ZNF718: variants seen among roughly 807,000 people sequenced by gnomAD.
ZNF718 encodes zinc finger protein 718.
ZNF718 carries 3 observed loss-of-function variants against 2.6 expected under a neutral mutation model. The ratio of observed to expected loss-of-function variants is 1.16; its 90% confidence interval spans 0.53 to 3.01. ZNF718 has a LOEUF of 3.01. Ranked by LOEUF, ZNF718 falls within the 30% of genes most tolerant of loss-of-function variation. The probability of loss-of-function intolerance (pLI) is 0.03; values close to 1 mark genes in which losing one functional copy is unlikely to be tolerated. For missense variants in ZNF718, 468 were observed against 230.0 expected, an observed-to-expected ratio of 2.03 and a Z score of -6.69; for synonymous variants, 135 against 77.9, an observed-to-expected ratio of 1.73 and a Z score of -3.86.
chr4:140,023 T>C (rs1715743091), intron 3 of ZNF718, among the ~76,000 whole-genome samples: 1 of 152,150 alleles, frequency 6.6e-6, no homozygotes, highest in African/African-American at 2.4e-5. Context: ...ATGACTTTTT[T>C]TTTTATCTTT....
rs1553814798 is a variant in ZNF718, at chr4:160,967, A to T, written c.282A>T (p.Ser94=). 1 of 780,928 alleles carries T rather than the reference A, an allele frequency of 1.3e-6. No homozygotes were observed. 48.4% of individuals were successfully genotyped at this position (780,928 alleles called of 1,614,324 possible). A position where few individuals can be genotyped will look rare whatever the true frequency, so the allele number is the denominator to read the frequency against. The part of the protein sequence containing the change: ...NLWTVQGIED[S]FHKLIPKGHE... Reference sequence around the variant, plus strand: ...GGACAGTGCAGGGCATAGAAGATTCATTCCACAAACTTATACCAAAAGGAC... The same window carrying T: ...GGACAGTGCAGGGCATAGAAGATTCTTTCCACAAACTTATACCAAAAGGAC... Residue 94 remains serine, a synonymous_variant, in exon 4 of 4, where the codon TCA becomes TCT. Transcript: ENST00000510175.
chr4:200,608 A>G (rs781935213), intron 3 of ZNF718, among the ~76,000 whole-genome samples: 2 of 152,020 alleles, frequency 1.3e-5, no homozygotes, highest in Non-Finnish European at 2.9e-5. Flanking sequence ...TTAGAGTCAG[A>G]CTAGTACAAT....
At chr4:159,230 G>T (rs1433730990) in intron 3 of ZNF718, among the ~76,000 whole-genome samples, 3 of 151,868 alleles carry the variant, frequency 2.0e-5, no homozygotes, top group African/African-American at 7.3e-5. Flanking sequence ...TAGAGACAGG[G>T]TTTCACCATG....
chr4:197,866 G>A (rs529214791), intron 3 of ZNF718, among the ~76,000 whole-genome samples: 150 of 152,274 alleles, frequency 9.9e-4, no homozygotes, highest in Non-Finnish European at 1.1e-3. Flanking sequence ...CTCCTGCTAA[G>A]TGATGGATGA....
intron 3 of ZNF718, among the ~76,000 whole-genome samples, chr4:150,838 T>C (rs1322094878): frequency 1.3e-5 from 2 of 152,158 alleles, no homozygotes; most frequent in African/African-American, 4.8e-5. Flanking sequence ...GCTTCAGCAG[T>C]CCTGTTTAAT....
At chr4:185,051 T>A (rs1717540698) in intron 3 of ZNF718, among the ~76,000 whole-genome samples, 1 of 152,126 alleles carries the variant, frequency 6.6e-6, no homozygotes, top group South Asian at 2.1e-4. Flanking sequence ...AACTTTGGGG[T>A]TTGTTTGCTC....
chr4:177,686 T>C (rs1553819261), intron 3 of ZNF718, among the ~76,000 whole-genome samples: 1 of 152,208 alleles, frequency 6.6e-6, no homozygotes, highest in East Asian at 1.9e-4. Flanking sequence ...CTACACATTT[T>C]CTCTGGAGAC....
At chr4:184,646 C>CT (rs1448150298) in intron 3 of ZNF718, among the ~76,000 whole-genome samples, 8 of 151,900 alleles carry the variant, frequency 5.3e-5, no homozygotes, top group African/African-American at 1.9e-4. Context: ...AGGTCCTGGG[C>CT]TTTTTTTGGT....
rs539837836 is a variant in ZNF718 at position 161,228 on chromosome 4, C to T, written c.543C>T (p.His181=). Residue 181 remains histidine (H), a synonymous_variant, in exon 4 of 4, where the codon CAC becomes CAT. Coordinates refer to ENST00000510175, the MANE Select transcript of ZNF718 (RefSeq NM_001039127.6). The part of the protein sequence containing the change: ...FKCKECGKSF[H]VLSRLTQHKR... Reference sequence around the variant, plus strand: ...GTAAAGAATGTGGCAAATCATTTCACGTGCTCTCACGCCTAACTCAACACA... The same window carrying T: ...GTAAAGAATGTGGCAAATCATTTCATGTGCTCTCACGCCTAACTCAACACA... 5.2e-5 allele frequency: 40 copies of T among 775,194 alleles called. 1 individual carries two copies. The highest frequency in any genetic ancestry group is 5.1e-4 in the East Asian group (21 of 41,202). 48.0% of individuals were successfully genotyped at this position (775,194 alleles called of 1,614,324 possible). A position where few individuals can be genotyped will look rare whatever the true frequency, so the allele number is the denominator to read the frequency against.
intron 3 of ZNF718, among the ~76,000 whole-genome samples, chr4:179,253 C>G (rs1717409177): frequency 6.6e-6 from 1 of 152,116 alleles, no homozygotes; most frequent in Non-Finnish European, 1.5e-5. Context: ...ATTTGTTTGT[C>G]TTTATGCCAA....
chr4:138,415 AC>A (rs1175028956), intron 3 of ZNF718, among the ~76,000 whole-genome samples: 8 of 152,128 alleles, frequency 5.3e-5, no homozygotes, highest in African/African-American at 1.4e-4. Flanking sequence ...ATTTTTCTTA[AC>A]ATAATGACCT....
intron 3 of ZNF718, among the ~76,000 whole-genome samples, chr4:133,877 T>C (rs1353300200): frequency 6.6e-6 from 1 of 152,256 alleles, no homozygotes; most frequent in Non-Finnish European, 1.5e-5. Flanking sequence ...GTCAAGTTAG[T>C]GAACACATCT....
rs966770728 is a variant in ZNF718, at chr4:125,647, C to T, written c.3+974C>T. Among the ~76,000 whole-genome samples the T allele has an allele frequency of 3.3e-5, 5 of 152,298 alleles. No homozygotes were observed. In the East Asian group the frequency reaches 7.7e-4, roughly 24 times the overall value. The stretch of plus-strand genomic sequence containing the variant: ...GCGCTGTCCCGCTGGGCACTGTCCT[C>T]TTCCTCCAGGCCTCCTCCCGGGGAG... On this transcript the variant is annotated intron_variant, in intron 1 of 3. Coordinates refer to ENST00000510175, the MANE Select transcript of ZNF718 (RefSeq NM_001039127.6).
chr4:176,200 G>A (rs1019936627), intron 3 of ZNF718, among the ~76,000 whole-genome samples: 1 of 152,100 alleles, frequency 6.6e-6, no homozygotes, highest in Admixed American at 6.6e-5. Flanking sequence ...CAACCCAGCT[G>A]TGCATGAATT....
intron 3 of ZNF718, among the ~76,000 whole-genome samples, chr4:184,311 T>G (rs746475445): frequency 6.6e-6 from 1 of 152,148 alleles, no homozygotes; most frequent in Non-Finnish European, 1.5e-5. Context: ...GAACCACATA[T>G]ATCGATTTGT....
At chr4:144,614 T>C (rs1365115462) in intron 3 of ZNF718, among the ~76,000 whole-genome samples, 1 of 152,232 alleles carries the variant, frequency 6.6e-6, no homozygotes, top group Middle Eastern at 3.2e-3. Flanking sequence ...AAAATTTTAA[T>C]AATACTGATC....
intron 3 of ZNF718, among the ~76,000 whole-genome samples, chr4:148,923 T>C (rs1236984844): frequency 1.3e-5 from 2 of 152,188 alleles, no homozygotes; most frequent in Non-Finnish European, 2.9e-5. Context: ...TTTCATTCGG[T>C]AGCTGGGACT....
chr4:196,360 C>A lies in ZNF718; in HGVS notation c.227-4721C>A, dbSNP rs547182348. 2.6e-5 allele frequency among the ~76,000 whole-genome samples: 4 copies of A among 152,276 alleles called. No individual in the cohort carries two copies. The East Asian group carries it at 7.7e-4, about 29-fold the overall frequency. The stretch of plus-strand genomic sequence containing the variant: ...CCTAAATTGGGAGGGACACCAGAGA[C>A]AAGACTCTCTGGGTTCATAGCCTAG... On this transcript the variant is annotated intron_variant and NMD_transcript_variant, in intron 3 of 4. Transcript: ENST00000642529.
intron 3 of ZNF718, among the ~76,000 whole-genome samples, chr4:148,408 A>G (rs1426302282): frequency 1.3e-5 from 2 of 152,040 alleles, no homozygotes; most frequent in Non-Finnish European, 2.9e-5. Context: ...CAGGAGTTCG[A>G]GACCAGCCTG....
Sources: allele counts gnomAD v4.1 joint callset (sites outside exome capture counted in the v4.1 genomes callset), GRCh38; gene constraint gnomAD v4.1.1; transcripts MANE v1.5; gene names NCBI Gene and HGNC (gene_info 2026-07-23, HGNC 2026-07-21).